The following RASGRF1 variants were observed in gnomAD, a reference collection of about 807,000 sequenced individuals.
RASGRF1 encodes the protein ras-specific guanine nucleotide-releasing factor 1.
A neutral mutation model predicts 138.7 loss-of-function variants in RASGRF1; 40 were observed. The ratio of observed to expected loss-of-function variants is 0.29; its 90% confidence interval spans 0.22 to 0.38. The LOEUF is 0.38. Ranked by LOEUF, RASGRF1 falls within the 10% of genes least tolerant of loss-of-function variation. The probability of loss-of-function intolerance (pLI) is 1.00; values close to 1 mark genes in which losing one functional copy is unlikely to be tolerated. For missense variants in RASGRF1, 1,108 were observed against 1,650.4 expected (o/e 0.67, Z 5.69); for synonymous variants, 614 against 663.2 (o/e 0.93, Z 1.14).
chr15:79,000,903 G>T (rs761196151), intron 16 of RASGRF1, among the ~76,000 whole-genome samples: 77 of 152,172 alleles, frequency 5.1e-4, no homozygotes, highest in Non-Finnish European at 9.7e-4. Context: ...CTGGATAGTG[G>T]GGAGTTCAGG....
chr15:78,984,109 G>T (rs1187233018), intron 23 of RASGRF1, among the ~76,000 whole-genome samples: 4 of 152,188 alleles, frequency 2.6e-5, no homozygotes, highest in Non-Finnish European at 5.9e-5. Flanking sequence ...GTGATAAAGA[G>T]AACAATGAGG....
chr15:79,009,189 C>T (rs1035547062), intron 13 of RASGRF1, among the ~76,000 whole-genome samples: 6 of 152,186 alleles, frequency 3.9e-5, no homozygotes, highest in East Asian at 1.9e-4. Flanking sequence ...GGGTGGCTCC[C>T]GGGCTGCTGG....
chr15:79,065,515 A>G (rs1228820343), intron 1 of RASGRF1, among the ~76,000 whole-genome samples: 4 of 151,918 alleles, frequency 2.6e-5, no homozygotes, highest in Non-Finnish European at 5.9e-5. Context: ...GCATGTTGGG[A>G]GAGTCATAGA....
chr15:79,069,784 G>C (rs893299916), intron 1 of RASGRF1, among the ~76,000 whole-genome samples: 5 of 152,170 alleles, frequency 3.3e-5, no homozygotes, highest in African/African-American at 1.2e-4. Context: ...AAAAGGCCTT[G>C]ATCTTTGTCT....
chr15:78,979,050 T>C, intron 24 of RASGRF1: 1 of 1,291,750 alleles, frequency 7.7e-7, no homozygotes, highest in South Asian at 1.2e-5. Flanking sequence ...GCCAGCCATG[T>C]GAGGAGGTGG....
At position 78,973,259 on chromosome 15, in the gene RASGRF1, G is replaced by T. The variant is rs759866623; in HGVS notation, c.3612+44C>A. 8.8e-6 allele frequency: 13 copies of T among 1,479,014 alleles called. No individual in the cohort carries two copies. In the South Asian group the frequency reaches 1.3e-4, roughly 15 times the overall value. 91.6% of individuals were successfully genotyped at this position (1,479,014 alleles called of 1,614,324 possible). ...GGTGGGCCCCAGGTTGAGTCATCTG[G>T]GCTTCAACGCCCCCCTTCCCCTGCC... On this transcript the variant is annotated intron_variant, in intron 25 of 26. Coordinates refer to ENST00000558480, the MANE Select transcript of RASGRF1 (RefSeq NM_001145648.3). This position sits in a 1 kb window ranked among gnomAD's most constrained non-coding sequence, Gnocchi z 4.9.
rs3063545 is a variant in RASGRF1 at position 78,966,225 on chromosome 15, A to ATT, written c.3682-3991_3682-3990dup. Among the ~76,000 whole-genome samples the ATT allele has an allele frequency of 1.1e-3, 123 of 110,706 alleles. 3 individuals carry two copies. The highest frequency in any genetic ancestry group is 4.0e-3 in the East Asian group (16 of 3,992). The allele number at this position is 110,706 out of a possible 152,430, so 72.6% of individuals were successfully genotyped here. ...TCCCTACCAGACCATGAGGACTTAA[A>ATT]TTTTTTTTTTTTTTTTTTTTTTTTT... is the stretch of plus-strand genomic sequence containing the variant. On this transcript the variant is annotated intron_variant, in intron 26 of 26. Transcript: ENST00000558480.
At chr15:79,007,084 GTGTCCATCAGC>G (rs2056693137) in intron 13 of RASGRF1, among the ~76,000 whole-genome samples, 1 of 152,196 alleles carries the variant, frequency 6.6e-6, no homozygotes, top group Non-Finnish European at 1.5e-5. Flanking sequence ...AACTACCCAG[GTGTCCATCAGC>G]TGATACATGG....
rs760741941 is a variant in RASGRF1, at chr15:78,998,087, T to C, written c.2966+9A>G. The C allele has an allele frequency of 1.4e-5, 22 of 1,603,358 alleles. No individual in the cohort carries two copies. The highest frequency in any genetic ancestry group is 1.2e-4 in the Admixed American group (7 of 60,014). On this transcript the variant is annotated intron_variant, in intron 19 of 26. Coordinates refer to ENST00000558480, the MANE Select transcript of RASGRF1 (RefSeq NM_001145648.3). ...CAGTTCTGAGCCAGGAACCAGGTACTGCCTTTACCTGATGATGTTGGCTGC... is the reference window on the plus strand; with the variant it reads ...CAGTTCTGAGCCAGGAACCAGGTACCGCCTTTACCTGATGATGTTGGCTGC...
At chr15:78,988,494 C>T (rs537422301) in intron 22 of RASGRF1, among the ~76,000 whole-genome samples, 4 of 152,316 alleles carry the variant, frequency 2.6e-5, no homozygotes, top group South Asian at 4.1e-4. Flanking sequence ...CTGCAGGAAC[C>T]ACTGGGTGCC....
rs1258421725 is a variant in RASGRF1 at position 79,082,126 on chromosome 15, T to TGGC, written c.276+8094_276+8096dup. ...GATTTGCATTTTAGAAAGATTTTTC[T>TGGC]GGCTGCAGAGAGGCCAGTGGACTGG... On this transcript the variant is annotated intron_variant, in intron 1 of 26. Transcript: ENST00000558480. 3.3e-5 allele frequency among the ~76,000 whole-genome samples: 5 copies of TGGC among 152,358 alleles called. No homozygotes were observed. In the East Asian group the frequency reaches 9.6e-4, roughly 29 times the overall value.
At chr15:79,069,576 T>C (rs2057727505) in intron 1 of RASGRF1, among the ~76,000 whole-genome samples, 1 of 152,196 alleles carries the variant, frequency 6.6e-6, no homozygotes, top group South Asian at 2.1e-4. Flanking sequence ...ATGGAGGGAC[T>C]GGGCAGATTT....
intron 26 of RASGRF1, among the ~76,000 whole-genome samples, chr15:78,970,480 T>C (rs780080084): frequency 2.8e-4 from 43 of 151,844 alleles, no homozygotes; most frequent in Non-Finnish European, 4.7e-4. Flanking sequence ...GGGCTTCCCA[T>C]GGTCCTAAGG....
chr15:78,991,510 G>T (rs1454798694), intron 21 of RASGRF1, among the ~76,000 whole-genome samples, 181 bp downstream of exon 21: 1 of 152,210 alleles, frequency 6.6e-6, no homozygotes, highest in Non-Finnish European at 1.5e-5. Context: ...GGTAAGGAGA[G>T]AATTTGGTGG....
chr15:79,025,520 C>T, intron 9 of RASGRF1, 46 bp from the exon 10 acceptor site: 1 of 1,575,698 alleles, frequency 6.3e-7, no homozygotes, highest in Non-Finnish European at 8.6e-7. Flanking sequence ...CTGGGGTGAC[C>T]TTTGCCTCTG....
Position 79,048,257 on chromosome 15 carries a change from T to A in RASGRF1, c.624+1239A>T, listed in dbSNP as rs77451519. Among the ~76,000 whole-genome samples the A allele has an allele frequency of 3.0e-4, 46 of 152,090 alleles. 1 individual carries two copies. The East Asian group carries it at 8.5e-3, about 28-fold the overall frequency. ...GTTCCTAGAGGTGCGTGAGGCTAGC[T>A]GGGGGTGGGGGATGTCATAAGGTGG... On this transcript the variant is annotated intron_variant, in intron 4 of 26. Transcript: ENST00000558480.
chr15:79,081,465 C>G (rs1021140444), intron 1 of RASGRF1, among the ~76,000 whole-genome samples: 1 of 152,228 alleles, frequency 6.6e-6, no homozygotes, highest in Non-Finnish European at 1.5e-5. Flanking sequence ...GGAGCAGCCC[C>G]TTTCCCACTC....
Position 79,090,253 on chromosome 15 carries a change from C to G in RASGRF1, c.246G>C (p.Ala82=), listed in dbSNP as rs112115214. 1 of 1,609,582 alleles carries G rather than the reference C, an allele frequency of 6.2e-7. No homozygotes were observed. The highest frequency in any genetic ancestry group is 8.5e-7 in the Non-Finnish European group (1 of 1,178,792). Residue 82 remains alanine, a synonymous_variant, in exon 1 of 27, where the codon GCG becomes GCC. Coordinates refer to ENST00000558480, the MANE Select transcript of RASGRF1 (RefSeq NM_001145648.3). ...TCTCCAGCGGCTCCTTGGCCGACAG[C>G]GCCGGCTTGGGGGAGGGCGCGCGGT... ...VCDRAPSPKP[A]LSAKEPLEKQ...
chr15:79,076,774 A>G (rs2057839267), intron 1 of RASGRF1, among the ~76,000 whole-genome samples: 1 of 152,200 alleles, frequency 6.6e-6, no homozygotes. Context: ...TCTCTTGCTC[A>G]AGCTGCTTTG....
Sources: allele counts gnomAD v4.1 joint callset (sites outside exome capture counted in the v4.1 genomes callset), GRCh38; gene constraint gnomAD v4.1.1; non-coding constraint Gnocchi (gnomAD v3.1); transcripts MANE v1.5; gene names NCBI Gene and HGNC (gene_info 2026-07-23, HGNC 2026-07-21).